Variants in TMEM132C observed in about 807,000 individuals in gnomAD.
The protein encoded by TMEM132C is transmembrane protein 132C.
In TMEM132C, 29 loss-of-function variants were observed where a neutral mutation model predicts 61.4. The ratio of observed to expected loss-of-function variants is 0.47; its 90% CI spans 0.35 to 0.64. The LOEUF is 0.64. Among genes scored for constraint, TMEM132C ranks in the 30% least tolerant of loss-of-function variants. TMEM132C has a pLI of 0.00. For missense variants in TMEM132C, 1,408 were observed against 1,476.9 expected (o/e 0.95, Z 0.76); for synonymous variants, 656 against 633.1 (o/e 1.04, Z -0.54).
At position 128,666,849 on chromosome 12, in the gene TMEM132C, T is replaced by C. The variant is rs561609099; in HGVS notation, c.1306-2568T>C. ...AATATATATGTCCGAGGCAGGTGGA[T>C]CACGAGGTCAGGAGATCGAGACCAT... On this transcript the variant is annotated intron_variant, in intron 4 of 8. Coordinates refer to ENST00000435159, the MANE Select transcript of TMEM132C (RefSeq NM_001136103.3). Among the ~76,000 whole-genome samples the C allele has an allele frequency of 3.3e-5, 5 of 152,348 alleles. No individual in the cohort carries two copies. The South Asian group carries it at 1.0e-3, about 32-fold the overall frequency.
At chr12:128,675,106 T>G (rs73430713) in intron 5 of TMEM132C, among the ~76,000 whole-genome samples, 8,838 of 152,222 alleles carry the variant, frequency 0.058, 798 homozygotes, top group African/African-American at 0.2. Context: ...CTTTCCTTCT[T>G]TGTTTTCTTT....
chr12:128,280,446 T>A (rs1209242689), intron 1 of TMEM132C, among the ~76,000 whole-genome samples: 1 of 152,214 alleles, frequency 6.6e-6, no homozygotes, highest in Non-Finnish European at 1.5e-5. Flanking sequence ...AGGACTAAAC[T>A]TCAAACACAG....
chr12:128,531,320 T>C (rs994321635), intron 2 of TMEM132C, among the ~76,000 whole-genome samples: 1 of 152,128 alleles, frequency 6.6e-6, no homozygotes, highest in Non-Finnish European at 1.5e-5. Context: ...CAAAAGGTAA[T>C]GGCCAAAAGG....
intron 4 of TMEM132C, among the ~76,000 whole-genome samples, chr12:128,658,607 C>T (rs1270418233): frequency 1.3e-5 from 2 of 152,102 alleles, no homozygotes; most frequent in South Asian, 2.1e-4. Flanking sequence ...GTTTTAGGGG[C>T]CTCTTGCTAT....
intron 1 of TMEM132C, among the ~76,000 whole-genome samples, chr12:128,369,470 T>C (rs577614781): frequency 6.6e-6 from 1 of 152,328 alleles, no homozygotes; most frequent in East Asian, 1.9e-4. Flanking sequence ...AAACTGAGGC[T>C]TTACAGGTTG....
chr12:128,340,068 A>T (rs534907152), intron 1 of TMEM132C, among the ~76,000 whole-genome samples: 1 of 152,182 alleles, frequency 6.6e-6, no homozygotes, highest in Non-Finnish European at 1.5e-5. Flanking sequence ...ATATTTACAT[A>T]AGGCACTAGG....
intron 2 of TMEM132C, among the ~76,000 whole-genome samples, chr12:128,519,732 G>A (rs571258750): frequency 6.6e-6 from 1 of 152,240 alleles, no homozygotes; most frequent in South Asian, 2.1e-4. Context: ...GGCCAACCTC[G>A]CTAGAAGTCC....
chr12:128,332,709 C>T (rs1407379091), intron 1 of TMEM132C, among the ~76,000 whole-genome samples: 3 of 152,230 alleles, frequency 2.0e-5, no homozygotes, highest in Admixed American at 6.5e-5. Context: ...CATGGATGGG[C>T]CTCCCCTGGT....
intron 2 of TMEM132C, among the ~76,000 whole-genome samples, chr12:128,535,583 A>G (rs1289339733): frequency 6.6e-6 from 1 of 152,206 alleles, no homozygotes; most frequent in African/African-American, 2.4e-5. Flanking sequence ...AAAAGTCAGA[A>G]AACAGGCCGG....
In TMEM132C at chr12:128,669,440, C is replaced by T. The variant is rs1433134998; in HGVS notation, c.1329C>T (p.Ala443=). The change falls in exon 5 of 9, where the codon GCC becomes GCT. Residue 443 remains alanine (A), a synonymous_variant. Transcript: ENST00000435159. ...LAMDTEILNT[A]VLTGKTVAMP... ...AGGACACTGAAATTCTGAACACCGC[C>T]GTACTCACAGGAAAGACAGTTGCCA... The T allele has an allele frequency of 5.8e-6, 9 of 1,551,480 alleles. No individual in the cohort carries two copies. The Admixed American group carries it at 7.8e-5, about 14-fold the overall frequency.
rs56400617 is a variant in TMEM132C, at chr12:128,422,866, G to A, written c.974+7246G>A. On this transcript the variant is annotated intron_variant, in intron 2 of 8. Transcript: ENST00000435159. Reference sequence around the variant, plus strand: ...CAGACATTGCTAAGTCTTCTTTGGGGGACAAAATCACCCTGGTTGACAACC... The same window carrying A: ...CAGACATTGCTAAGTCTTCTTTGGGAGACAAAATCACCCTGGTTGACAACC... Among the ~76,000 whole-genome samples the A allele has an allele frequency of 8.5e-3, 1,295 of 152,176 alleles. 10 individuals are homozygous for A. Among genetic ancestry groups the A allele is most frequent in the Non-Finnish European group, 0.012 (832 of 68,022 alleles).
At chr12:128,598,488 C>T (rs565397308) in intron 3 of TMEM132C, among the ~76,000 whole-genome samples, 23 of 152,194 alleles carry the variant, frequency 1.5e-4, no homozygotes, top group Admixed American at 3.3e-4. Context: ...CCCAGCCCCC[C>T]TTCCACCACC....
At chr12:128,496,447 C>A (rs1004158529) in intron 2 of TMEM132C, among the ~76,000 whole-genome samples, 49 of 152,120 alleles carry the variant, frequency 3.2e-4, no homozygotes, top group African/African-American at 1.2e-3. Context: ...TGGTTCCATT[C>A]TCCCCATCAC....
At chr12:128,534,256 G>A (rs12321655) in intron 2 of TMEM132C, among the ~76,000 whole-genome samples, 24,209 of 152,196 alleles carry the variant, frequency 0.16, 2,986 homozygotes, top group African/African-American at 0.33. Flanking sequence ...AGGAGCATCA[G>A]TGATCAACGT....
intron 4 of TMEM132C, among the ~76,000 whole-genome samples, chr12:128,640,690 G>A (rs1954151186): frequency 1.3e-5 from 2 of 152,196 alleles, no homozygotes; most frequent in Admixed American, 1.3e-4. Context: ...GAACCCAGGA[G>A]TTCAAGACCT....
intron 1 of TMEM132C, among the ~76,000 whole-genome samples, chr12:128,406,551 A>G (rs995136120): frequency 6.6e-6 from 1 of 152,188 alleles, no homozygotes; most frequent in South Asian, 2.1e-4. Flanking sequence ...GAGGCTTCCT[A>G]TTAATAGAAG....
chr12:128,348,577 T>C (rs918676633), intron 1 of TMEM132C, among the ~76,000 whole-genome samples: 1 of 152,160 alleles, frequency 6.6e-6, no homozygotes, highest in African/African-American at 2.4e-5. Flanking sequence ...CTGAGTGCTT[T>C]TGTGTAAAAA....
At chr12:128,404,025 C>T (rs1875254995) in intron 1 of TMEM132C, among the ~76,000 whole-genome samples, 1 of 152,156 alleles carries the variant, frequency 6.6e-6, no homozygotes, top group Non-Finnish European at 1.5e-5. Context: ...TCCCTGGCTC[C>T]TACCGACTAG....
At chr12:128,650,662 C>T (rs191354442) in intron 4 of TMEM132C, among the ~76,000 whole-genome samples, 183 of 152,148 alleles carry the variant, frequency 1.2e-3, no homozygotes, top group African/African-American at 4.3e-3. Flanking sequence ...CTAGGGGTTA[C>T]AGGCTGCAGT....
Sources: allele counts gnomAD v4.1 joint callset (sites outside exome capture counted in the v4.1 genomes callset), GRCh38; gene constraint gnomAD v4.1.1; transcripts MANE v1.5; gene names NCBI Gene and HGNC (gene_info 2026-07-23, HGNC 2026-07-21).